Variants in ISM1 observed in about 807,000 individuals in gnomAD.
ISM1 encodes the protein isthmin-1.
Under a neutral mutation model 46.3 loss-of-function variants are expected in ISM1, and 25 were observed. The ratio of observed to expected loss-of-function variants is 0.54; its 90% CI spans 0.39 to 0.75. ISM1 has a LOEUF of 0.75. Among genes scored for constraint, ISM1 ranks in the 30% least tolerant of loss-of-function variants. ISM1 has a pLI of 0.00. For missense variants in ISM1, 536 were observed against 625.4 expected, an observed-to-expected ratio of 0.86 and a Z score of 1.52; for synonymous variants, 255 against 256.7, an observed-to-expected ratio of 0.99 and a Z score of 0.06.
chr20:13,226,700 T>C (rs2039529233), intron 1 of ISM1, among the ~76,000 whole-genome samples: 1 of 152,210 alleles, frequency 6.6e-6, no homozygotes, highest in Non-Finnish European at 1.5e-5. Context: ...CTCCATATAA[T>C]CTCTCATCCT....
the ISM1 span, among the ~76,000 whole-genome samples, chr20:13,320,374 TGTGCTTG>T: frequency 1.0e-3 from 155 of 152,342 alleles, no homozygotes; most frequent in Non-Finnish European, 1.9e-3. Context: ...GACTTCACAC[TGTGCTTG>T]CAAACCAAAG....
the ISM1 span, among the ~76,000 whole-genome samples, chr20:13,310,894 T>C: frequency 6.6e-6 from 1 of 152,156 alleles, no homozygotes; most frequent in African/African-American, 2.4e-5. Flanking sequence ...GGAAGATGTT[T>C]ATCAAAAAAT....
intron 1 of ISM1, among the ~76,000 whole-genome samples, chr20:13,249,787 TTTGTTTTG>T (rs1343466455): frequency 6.6e-5 from 3 of 45,792 alleles, no homozygotes; most frequent in East Asian, 1.9e-3. Context: ...TGCGTTTTGT[TTTGTTTTG>T]TTTTGTTTTG....
At chr20:13,237,721 A>G (rs2039668442) in intron 1 of ISM1, 1 of 152,208 alleles carries the variant, frequency 6.6e-6, no homozygotes. Context: ...CAATTTTAAT[A>G]AAAGAGTAAA....
At chr20:13,286,999 A>G (rs1192143276) in intron 3 of ISM1, among the ~76,000 whole-genome samples, 2 of 152,244 alleles carry the variant, frequency 1.3e-5, no homozygotes, top group Admixed American at 1.3e-4. Flanking sequence ...ATCACGCTTT[A>G]GAGAGAAAGG....
the ISM1 span, among the ~76,000 whole-genome samples, chr20:13,326,371 AT>A: frequency 5.9e-5 from 9 of 152,262 alleles, no homozygotes; most frequent in Non-Finnish European, 1.3e-4. Context: ...GTATATGTAT[AT>A]ATTCGATTTA....
chr20:13,284,738 A>G (rs1176203061), intron 3 of ISM1, among the ~76,000 whole-genome samples: 1 of 152,222 alleles, frequency 6.6e-6, no homozygotes, highest in Admixed American at 6.5e-5. Flanking sequence ...CCTAGGAGGC[A>G]GTTTCACTTC....
intron 1 of ISM1, among the ~76,000 whole-genome samples, chr20:13,267,507 C>A (rs1376329630): frequency 1.3e-5 from 2 of 152,106 alleles, no homozygotes; most frequent in African/African-American, 4.8e-5. Flanking sequence ...ACTAATCCTG[C>A]GGGGAGGGTA....
downstream of ISM1, among the ~76,000 whole-genome samples, chr20:13,302,157 G>C (rs6109804): frequency 0.094 from 14,263 of 152,212 alleles, 722 homozygotes; most frequent in Admixed American, 0.12. Flanking sequence ...AGAGAACAGA[G>C]AGCTTTCTTA....
chr20:13,303,157 A>G (rs1463890888), downstream of ISM1, among the ~76,000 whole-genome samples: 3 of 152,206 alleles, frequency 2.0e-5, no homozygotes, highest in Non-Finnish European at 4.4e-5. Flanking sequence ...TAAATGACAG[A>G]GCTCCTTGAA....
intron 1 of ISM1, among the ~76,000 whole-genome samples, chr20:13,266,213 G>A (rs1304690079): frequency 6.6e-6 from 1 of 152,136 alleles, no homozygotes; most frequent in African/African-American, 2.4e-5. Flanking sequence ...GAAAAAGAGG[G>A]GACTAGACAT....
chr20:13,321,650 A>AC, the ISM1 span, among the ~76,000 whole-genome samples: 9 of 152,248 alleles, frequency 5.9e-5, no homozygotes, highest in African/African-American at 2.2e-4. Context: ...CCTGGCACAC[A>AC]CAGTGAGCTC....
At chr20:13,313,164 A>G in the ISM1 span, among the ~76,000 whole-genome samples, 12 of 152,276 alleles carry the variant, frequency 7.9e-5, no homozygotes, top group African/African-American at 2.9e-4. Context: ...TCCCCCTGAA[A>G]ACTAATTGCA....
intron 2 of ISM1, among the ~76,000 whole-genome samples, chr20:13,279,370 T>TA (rs1314607238): frequency 6.6e-6 from 1 of 152,166 alleles, no homozygotes; most frequent in Non-Finnish European, 1.5e-5. Flanking sequence ...TGTTTCCAGC[T>TA]ATTAAGTTTT....
At chr20:13,288,808 G>A (rs1011932541) in intron 4 of ISM1, 125 bp downstream of exon 4, 43 of 969,596 alleles carry the variant, frequency 4.4e-5, no homozygotes, top group Admixed American at 1.0e-4. Context: ...TTTTTGAGAC[G>A]GAGTCTCTCC....
At chr20:13,268,145 TCTTCTCTTCC>T (rs1277258421) in intron 1 of ISM1, among the ~76,000 whole-genome samples, 6 of 142,644 alleles carry the variant, frequency 4.2e-5, no homozygotes, top group African/African-American at 7.9e-5. Flanking sequence ...TCTTCTCTTC[TCTTCTCTTCC>T]CTTCCCTTCT....
At chr20:13,255,976 A>G (rs1367529775) in intron 1 of ISM1, among the ~76,000 whole-genome samples, 2 of 151,744 alleles carry the variant, frequency 1.3e-5, no homozygotes, top group African/African-American at 2.4e-5. Flanking sequence ...ACCATTTGTA[A>G]TTTAGTCATG....
intron 1 of ISM1, among the ~76,000 whole-genome samples, chr20:13,238,469 T>C (rs1446271016): frequency 6.6e-6 from 1 of 152,150 alleles, no homozygotes; most frequent in Admixed American, 6.5e-5. Context: ...TGGGGCCAAA[T>C]TAAACTCCTG....
the ISM1 span, among the ~76,000 whole-genome samples, chr20:13,313,883 T>C: frequency 2.0e-5 from 3 of 152,166 alleles, no homozygotes; most frequent in Non-Finnish European, 4.4e-5. Flanking sequence ...ATGAATAAAG[T>C]TGGCAACATG....
Sources: allele counts gnomAD v4.1 joint callset (sites outside exome capture counted in the v4.1 genomes callset), GRCh38; gene constraint gnomAD v4.1.1; transcripts MANE v1.5; gene names NCBI Gene and HGNC (gene_info 2026-07-23, HGNC 2026-07-21).